TPGS2: variants seen among roughly 807,000 people sequenced by gnomAD.
The protein encoded by TPGS2 is tubulin polyglutamylase complex subunit 2.
In TPGS2, 26 loss-of-function variants were observed where a neutral mutation model predicts 31.1. The ratio of observed to expected loss-of-function variants is 0.84; its 90% CI spans 0.61 to 1.16. The LOEUF (loss-of-function observed/expected upper bound fraction) is 1.16. Among genes scored for constraint, TPGS2 ranks in the 50% most tolerant of loss-of-function variants. The probability of loss-of-function intolerance (pLI) is 0.00; values close to 1 mark genes in which losing one functional copy is unlikely to be tolerated. For missense variants in TPGS2, 351 were observed against 363.8 expected (o/e 0.96, Z 0.29); for synonymous variants, 130 against 136.6 (o/e 0.95, Z 0.34).
chr18:36,813,233 GTC>G (rs1377994397), intron 2 of TPGS2, among the ~76,000 whole-genome samples: 1 of 152,216 alleles, frequency 6.6e-6, no homozygotes, highest in African/African-American at 2.4e-5. Context: ...GGAGGGAAGA[GTC>G]TGCGAGGAAG....
chr18:36,807,192 A>G (rs1023869116), intron 3 of TPGS2, among the ~76,000 whole-genome samples: 3 of 152,162 alleles, frequency 2.0e-5, no homozygotes, highest in African/African-American at 4.8e-5. Flanking sequence ...TTTCTAGACT[A>G]TGAAATGTTT....
At chr18:36,797,194 T>C in intron 6 of TPGS2, 144 bp from the exon 7 acceptor site, 1 of 1,470,434 alleles carries the variant, frequency 6.8e-7, no homozygotes, top group Non-Finnish European at 9.1e-7. Flanking sequence ...TATTTGCTCT[T>C]CCTTTAAGTG....
At chr18:36,808,055 T>G in intron 2 of TPGS2, 121 bp from the exon 3 acceptor site, 2 of 924,352 alleles carry the variant, frequency 2.2e-6, no homozygotes, top group Non-Finnish European at 1.7e-6. Context: ...AAGGCTCTGA[T>G]AGTCACCTAC....
intron 4 of TPGS2, among the ~76,000 whole-genome samples, 197 bp downstream of exon 4, chr18:36,805,177 A>G (rs1441698765): frequency 1.3e-5 from 2 of 152,206 alleles, no homozygotes; most frequent in Non-Finnish European, 2.9e-5. Flanking sequence ...AGTGGCAAAG[A>G]GCTTGGAGGT....
At chr18:36,793,899 G>A (rs566472201), downstream of TPGS2, among the ~76,000 whole-genome samples, 10 of 151,948 alleles carry the variant, frequency 6.6e-5, no homozygotes, top group East Asian at 1.4e-3. Flanking sequence ...CACCACGCCC[G>A]GCTAATTTTT....
At chr18:36,823,186 C>T (rs894060200) in intron 1 of TPGS2, among the ~76,000 whole-genome samples, 3 of 152,220 alleles carry the variant, frequency 2.0e-5, no homozygotes, top group African/African-American at 7.2e-5. Context: ...TCTTTCCTTA[C>T]ACCAGGTGTG....
intron 4 of TPGS2, among the ~76,000 whole-genome samples, chr18:36,801,991 TA>T (rs2044842161): frequency 6.6e-6 from 1 of 152,274 alleles, no homozygotes; most frequent in Non-Finnish European, 1.5e-5. Flanking sequence ...GTTTTCATTA[TA>T]AATAATTTTT....
intron 1 of TPGS2, among the ~76,000 whole-genome samples, chr18:36,823,467 T>G (rs1323363598): frequency 1.4e-5 from 2 of 138,622 alleles, no homozygotes; most frequent in East Asian, 3.9e-4. Flanking sequence ...CTTGTTTTTT[T>G]TTTTTTTTTT....
intron 1 of TPGS2, among the ~76,000 whole-genome samples, chr18:36,828,462 T>A (rs539147848): frequency 7.0e-4 from 106 of 152,220 alleles, no homozygotes; most frequent in Non-Finnish European, 1.2e-3. Flanking sequence ...TGGGGGAAAC[T>A]TCAGGCTTCC....
At chr18:36,821,286 G>A (rs1049226279) in intron 1 of TPGS2, among the ~76,000 whole-genome samples, 2 of 152,108 alleles carry the variant, frequency 1.3e-5, no homozygotes, top group African/African-American at 4.8e-5. Context: ...GTACTGAGGG[G>A]GGCAGACATT....
intron 6 of TPGS2, chr18:36,786,385 T>A (rs643657): frequency 6.6e-6 from 1 of 151,962 alleles, no homozygotes; most frequent in Non-Finnish European, 1.5e-5. Flanking sequence ...CCCGGCTAAT[T>A]TTTTTGTATT....
intron 1 of TPGS2, among the ~76,000 whole-genome samples, chr18:36,823,439 T>C (rs1166405481): frequency 1.3e-5 from 2 of 150,332 alleles, no homozygotes; most frequent in African/African-American, 4.9e-5. Flanking sequence ...CAAATCTCTC[T>C]GACTTCCTTG....
downstream of TPGS2, chr18:36,790,164 C>A (rs1276031653): frequency 2.0e-5 from 3 of 152,138 alleles, no homozygotes; most frequent in Non-Finnish European, 4.4e-5. Context: ...GTGAGTATAA[C>A]CCTGTGATTA....
At chr18:36,823,881 A>G in intron 1 of TPGS2, 5 of 984,966 alleles carry the variant, frequency 5.1e-6, no homozygotes, top group Non-Finnish European at 6.0e-6. Flanking sequence ...CCTGTGGATT[A>G]GAGTAGGAAT....
At chr18:36,808,024 G>T in intron 2 of TPGS2, 90 bp from the exon 3 acceptor site, 1 of 1,211,632 alleles carries the variant, frequency 8.3e-7, no homozygotes, top group Non-Finnish European at 1.2e-6. Flanking sequence ...CGTTTAGCAT[G>T]TTATACGTCC....
intron 1 of TPGS2, among the ~76,000 whole-genome samples, chr18:36,822,135 T>C (rs979774508): frequency 6.6e-6 from 1 of 152,218 alleles, no homozygotes; most frequent in Non-Finnish European, 1.5e-5. Context: ...TCTAGGAGGC[T>C]GAAATTTTGA....
At chr18:36,787,382 T>G (rs1600716763) in intron 6 of TPGS2, among the ~76,000 whole-genome samples, 1 of 152,248 alleles carries the variant, frequency 6.6e-6, no homozygotes, top group African/African-American at 2.4e-5. Context: ...AAAATGCTTT[T>G]AAGCCCTCAC....
rs1385278384 is a variant in TPGS2, at chr18:36,796,568, C to CACTT, written c.*233_*236dup. The CACTT allele has an allele frequency of 9.9e-6, 13 of 1,312,238 alleles. No individual in the cohort carries two copies. Among genetic ancestry groups the CACTT allele is most frequent in the African/African-American group, 6.1e-5 (4 of 65,420 alleles). The allele number at this position is 1,312,238 out of a possible 1,614,324, so 81.3% of individuals were successfully genotyped here. On this transcript the variant is annotated 3_prime_UTR_variant, in exon 7 of 7. Transcript: ENST00000334295. ...AGGAAAGCACTCAGACTTATTTGGG[C>CACTT]ACTTACACAAGATTCCAAATTCCCC...
intron 1 of TPGS2, among the ~76,000 whole-genome samples, chr18:36,827,093 A>C (rs1009178308): frequency 1.3e-5 from 2 of 151,868 alleles, no homozygotes; most frequent in African/African-American, 4.8e-5. Flanking sequence ...CTGGACTTGA[A>C]CTGGGCTCTA....
Sources: allele counts gnomAD v4.1 joint callset (sites outside exome capture counted in the v4.1 genomes callset), GRCh38; gene constraint gnomAD v4.1.1; transcripts MANE v1.5; gene names NCBI Gene and HGNC (gene_info 2026-07-23, HGNC 2026-07-21).